ABCA3: variants seen among roughly 807,000 people sequenced by gnomAD.
The protein encoded by ABCA3 is phospholipid-transporting ATPase ABCA3.
ABCA3 carries 88 observed loss-of-function variants against 172.8 expected under a neutral mutation model. That is an observed-to-expected ratio of 0.51 (90% CI 0.43 to 0.61). The LOEUF is 0.61. ABCA3 is among the 20% of genes least tolerant of loss of function. The probability of loss-of-function intolerance (pLI) is 0.00; values close to 1 mark genes in which losing one functional copy is unlikely to be tolerated. For synonymous variants in ABCA3, 1,066 were observed against 983.8 expected, an observed-to-expected ratio of 1.08 and a Z score of -1.56; for missense variants, 2,164 against 2,301.0, an observed-to-expected ratio of 0.94 and a Z score of 1.22.
chr16:2,309,358 C>A (rs1233297708), intron 10 of ABCA3, among the ~76,000 whole-genome samples: 2 of 152,180 alleles, frequency 1.3e-5, no homozygotes, highest in Admixed American at 1.3e-4. Context: ...GAGGCAGCCC[C>A]ACACAAAACA....
chr16:2,285,084 G>A lies in ABCA3; in HGVS notation c.3484-86C>T. ...GAAGGGGTGAGAGGAGCATTTGGAG[G>A]TCCTCAGACCCCTCCCGGTCAGCTG... On this transcript the variant is annotated intron_variant, in intron 23 of 32. Transcript: ENST00000301732. This position sits in a 1 kb window ranked among gnomAD's most constrained non-coding sequence, Gnocchi z 4.7. 1 of 1,414,700 alleles carries A rather than the reference G, an allele frequency of 7.1e-7. No homozygotes were observed. The highest frequency in any genetic ancestry group is 1.2e-5 in the South Asian group (1 of 82,140). The allele number at this position is 1,414,700 out of a possible 1,614,324, so 87.6% of individuals were successfully genotyped here.
intron 19 of ABCA3, among the ~76,000 whole-genome samples, chr16:2,290,496 A>T (rs1365720238): frequency 1.3e-5 from 2 of 152,172 alleles, no homozygotes; most frequent in Admixed American, 1.3e-4. Flanking sequence ...GAGAGGCCTG[A>T]GACCTTGAGA....
chr16:2,293,776 C>T (rs11860051), intron 18 of ABCA3, among the ~76,000 whole-genome samples: 3 of 151,218 alleles, frequency 2.0e-5, no homozygotes, highest in African/African-American at 7.3e-5. Context: ...CTCCTGACCT[C>T]GTGATCCACC....
chr16:2,276,206 T>A lies in ABCA3; in HGVS notation c.*468A>T, dbSNP rs2093646073. The stretch of plus-strand genomic sequence containing the variant: ...AGCAGCTTCCCTCCACTGACAGTGA[T>A]CTGCATGGTCCATTCCTGGCGGCCT... On this transcript the variant is annotated 3_prime_UTR_variant, in exon 33 of 33. Transcript: ENST00000301732. 1 of 420,606 alleles carries A rather than the reference T, an allele frequency of 2.4e-6. No homozygotes were observed. The highest frequency in any genetic ancestry group is 2.6e-5 in the Admixed American group (1 of 38,694). 26.1% of individuals were successfully genotyped at this position (420,606 alleles called of 1,614,324 possible).
rs2093646719 is a variant in ABCA3 at position 2,276,587 on chromosome 16, GA to G, written c.*86del. ...TAGAAAAAAGTGATTAAAAATAAAG[GA>G]TGAGATAAACTTGGAGAGAGAGGAT... On this transcript the variant is annotated 3_prime_UTR_variant, in exon 33 of 33. Coordinates refer to ENST00000301732, the MANE Select transcript of ABCA3 (RefSeq NM_001089.3). 1 of 1,576,070 alleles carries G rather than the reference GA, an allele frequency of 6.3e-7. No individual in the cohort carries two copies. The highest frequency in any genetic ancestry group is 8.6e-7 in the Non-Finnish European group (1 of 1,163,456).
chr16:2,288,072 C>T lies in ABCA3; in HGVS notation c.2958G>A (p.Leu986=). Residue 986 remains leucine, a synonymous_variant, in exon 21 of 33, where the codon CTG becomes CTA. Coordinates refer to ENST00000301732, the MANE Select transcript of ABCA3 (RefSeq NM_001089.3). ...GTCCCTCAGCCTGCAGTGCGTCTTT[C>T]AGATGCTCTGACAGCTGCTGACCCA... ...SQLGQQLSEH[L]KDALQAEGQE... 1.2e-6 allele frequency: 2 copies of T among 1,612,916 alleles called. No homozygotes were observed. Among genetic ancestry groups the T allele is most frequent in the Middle Eastern group, 1.7e-4 (1 of 6,052 alleles).
At position 2,321,954 on chromosome 16, in the gene ABCA3, C is replaced by G. The variant is rs45496494; in HGVS notation, c.613+1569G>C. ...GTGGCTCATGCCTGTAATCCCAGAACTTTGGGAAGCCGAGGTGGGTGAATC... is the reference window on the plus strand; with the variant it reads ...GTGGCTCATGCCTGTAATCCCAGAAGTTTGGGAAGCCGAGGTGGGTGAATC... On this transcript the variant is annotated intron_variant, in intron 7 of 32. Coordinates refer to ENST00000301732, the MANE Select transcript of ABCA3 (RefSeq NM_001089.3). Among the ~76,000 whole-genome samples the G allele has an allele frequency of 9.6e-3, 1,465 of 152,172 alleles. 21 individuals carry two copies. The highest frequency in any genetic ancestry group is 0.033 in the African/African-American group (1,385 of 41,496).
intron 10 of ABCA3, among the ~76,000 whole-genome samples, chr16:2,310,222 G>C (rs575075381): frequency 5.3e-5 from 8 of 151,612 alleles, no homozygotes; most frequent in Non-Finnish European, 1.0e-4. Context: ...TGGCCAACAT[G>C]GTGAAACCCC....
chr16:2,318,444 G>A lies in ABCA3; in HGVS notation c.874-680C>T, dbSNP rs529945851. On this transcript the variant is annotated intron_variant, in intron 8 of 32. Coordinates refer to ENST00000301732, the MANE Select transcript of ABCA3 (RefSeq NM_001089.3). ...CGGCAGCCAGCAGCCAGGTGTGGCC[G>A]TTTCAACTGAAGTTAATTAAAAATA... is the stretch of plus-strand genomic sequence containing the variant. Among the ~76,000 whole-genome samples the A allele has an allele frequency of 4.6e-5, 7 of 152,216 alleles. No homozygotes were observed. The East Asian group carries it at 5.8e-4, about 13-fold the overall frequency.
In ABCA3 at chr16:2,319,329, C is replaced by CA. The variant is rs201129831; in HGVS notation, c.873+251dup. Among the ~76,000 whole-genome samples the CA allele has an allele frequency of 0.054, 8,156 of 152,022 alleles. 316 individuals carry two copies. Among genetic ancestry groups the CA allele is most frequent in the Non-Finnish European group, 0.087 (5,941 of 67,922 alleles). Reference sequence around the variant, plus strand: ...TGAAACCACGTCTCTACTAAAAATACAAAAAATTAGCTGGGTGTGGTGGCA... The same window carrying CA: ...TGAAACCACGTCTCTACTAAAAATACAAAAAAATTAGCTGGGTGTGGTGGCA... On this transcript the variant is annotated intron_variant, in intron 8 of 32. Coordinates refer to ENST00000301732, the MANE Select transcript of ABCA3 (RefSeq NM_001089.3).
intron 1 of ABCA3, among the ~76,000 whole-genome samples, chr16:2,331,718 G>A (rs946658262): frequency 5.3e-5 from 8 of 152,192 alleles, no homozygotes; most frequent in African/African-American, 1.2e-4. Flanking sequence ...ACTTGACGCC[G>A]AGGCGGCAGA....
chr16:2,280,174 C>T (rs1478410406), intron 28 of ABCA3, among the ~76,000 whole-genome samples: 1 of 152,256 alleles, frequency 6.6e-6, no homozygotes, highest in African/African-American at 2.4e-5. Flanking sequence ...TTCTCACCCT[C>T]TCCTCCATTG....
At chr16:2,339,216 G>A (rs956692022) in intron 1 of ABCA3, 11 of 152,220 alleles carry the variant, frequency 7.2e-5, no homozygotes, top group African/African-American at 2.7e-4. Context: ...TTGAGACTAC[G>A]TCAAAATGGG....
chr16:2,281,580 CGGGGGT>C lies in ABCA3; in HGVS notation c.4036-77_4036-72del. 1 of 319,062 alleles carries C rather than the reference CGGGGGT, an allele frequency of 3.1e-6. No homozygotes were observed. Among genetic ancestry groups the C allele is most frequent in the Non-Finnish European group, 6.1e-6 (1 of 163,592 alleles). 19.8% of individuals were successfully genotyped at this position (319,062 alleles called of 1,614,324 possible). On this transcript the variant is annotated intron_variant, in intron 26 of 32. Transcript: ENST00000301732. This position sits in a 1 kb window ranked among gnomAD's most constrained non-coding sequence, Gnocchi z 4.7. ...GCGGCTTCCGTGGAGAAGGGAGGGG[CGGGGGT>C]GGATGTGGGAGGTCTGGTGGGACTA...
chr16:2,281,238 G>A lies in ABCA3; in HGVS notation c.4165-17C>T. 2 of 1,613,350 alleles carry A rather than the reference G, an allele frequency of 1.2e-6. No homozygotes were observed. The highest frequency in any genetic ancestry group is 1.1e-5 in the South Asian group (1 of 91,084). ...CTCGTACACCTGCAGGCACCCAACA[G>A]AAAACACGGAATGCGGAGGCCTGGA... On this transcript the variant is annotated splice_polypyrimidine_tract_variant and intron_variant, in intron 27 of 32. Transcript: ENST00000301732. The surrounding 1 kb of genome is among the most constrained non-coding windows in gnomAD (Gnocchi z 4.7).
chr16:2,293,059 CTTTTT>C (rs1300446187), intron 18 of ABCA3, among the ~76,000 whole-genome samples: 1 of 151,096 alleles, frequency 6.6e-6, no homozygotes, highest in South Asian at 2.1e-4. Flanking sequence ...CTTTTTTTTT[CTTTTT>C]TTCTTTAGAT....
At chr16:2,276,831 T>G in intron 32 of ABCA3, 26 bp from the exon 33 acceptor site, 1 of 1,613,186 alleles carries the variant, frequency 6.2e-7, no homozygotes, top group Non-Finnish European at 8.5e-7. Context: ...AAGTCACTGG[T>G]AGGAGAGAAC....
chr16:2,286,651 G>A lies in ABCA3; in HGVS notation c.3278+43C>T. ...GGCAGTGCCCAGGGCAGTCAGTCCT[G>A]GGGGCTCTGGCCAGGGCAGACAGGG... On this transcript the variant is annotated intron_variant, in intron 22 of 32. Transcript: ENST00000301732. This position sits in a 1 kb window ranked among gnomAD's most constrained non-coding sequence, Gnocchi z 5.2. The A allele has an allele frequency of 1.2e-6, 2 of 1,610,784 alleles. No homozygotes were observed. The highest frequency in any genetic ancestry group is 8.5e-7 in the Non-Finnish European group (1 of 1,179,312).
At chr16:2,339,692 C>A (rs887396868) in intron 1 of ABCA3, among the ~76,000 whole-genome samples, 3 of 152,220 alleles carry the variant, frequency 2.0e-5, no homozygotes, top group Non-Finnish European at 2.9e-5. Flanking sequence ...ACACAAACCC[C>A]AACAAGATCC....
Sources: allele counts gnomAD v4.1 joint callset (sites outside exome capture counted in the v4.1 genomes callset), GRCh38; gene constraint gnomAD v4.1.1; non-coding constraint Gnocchi (gnomAD v3.1); transcripts MANE v1.5; gene names NCBI Gene and HGNC (gene_info 2026-07-23, HGNC 2026-07-21).